Variants in KLF8 observed in about 807,000 individuals in gnomAD.
KLF8 encodes Krueppel-like factor 8.
Under a neutral mutation model 18.2 loss-of-function variants are expected in KLF8, and 10 were observed. That is an observed-to-expected ratio of 0.55 (90% CI 0.34 to 0.93). The LOEUF (loss-of-function observed/expected upper bound fraction) is 0.93. Ranked by LOEUF, KLF8 falls within the 40% of genes least tolerant of loss-of-function variation. The pLI is 0.02. For missense variants in KLF8, 264 were observed against 277.9 expected (o/e 0.95, Z 0.36); for synonymous variants, 109 against 97.3 (o/e 1.12, Z -0.71).
At position 56,286,911 on chromosome X, in the gene KLF8, G is replaced by T. The variant is rs1432137454; in HGVS notation, c.*2417G>T. 8.9e-6 allele frequency: 1 copy of T among 111,839 alleles called. No individual in the cohort carries two copies. Among genetic ancestry groups the T allele is most frequent in the Non-Finnish European group, 1.9e-5 (1 of 53,140 alleles). 9.2% of individuals were successfully genotyped at this position (111,839 alleles called of 1,213,427 possible). ...GGTTGGTAAAGATGAACTAACATAA[G>T]TTTAAGCTAATAATTCAGTAGTTGA... On this transcript the variant is annotated 3_prime_UTR_variant, in exon 6 of 6. Transcript: ENST00000468660.
chrX:56,033,366 G>A, the KLF8 span, among the ~76,000 whole-genome samples: 2 of 111,165 alleles, frequency 1.8e-5, no homozygotes, highest in Non-Finnish European at 3.8e-5. Context: ...TTCCTTTTCA[G>A]GGCTGTTACT....
chrX:56,055,166 A>G, the KLF8 span, among the ~76,000 whole-genome samples: 1 of 111,784 alleles, frequency 8.9e-6, no homozygotes, highest in Non-Finnish European at 1.9e-5. Context: ...GTTGCTTTAT[A>G]TTGTTACTGG....
At chrX:56,025,436 G>A in the KLF8 span, among the ~76,000 whole-genome samples, 2 of 111,566 alleles carry the variant, frequency 1.8e-5, no homozygotes, top group Non-Finnish European at 3.8e-5. Context: ...CCTTTTTGGA[G>A]CCAAACAAGA....
the KLF8 span, among the ~76,000 whole-genome samples, chrX:55,928,114 T>C: frequency 1.8e-5 from 2 of 112,201 alleles, no homozygotes; most frequent in African/African-American, 6.5e-5. Flanking sequence ...TGCGATCTTT[T>C]ATGACCTCGA....
At chrX:55,942,764 C>T in the KLF8 span, among the ~76,000 whole-genome samples, 35 of 111,549 alleles carry the variant, frequency 3.1e-4, no homozygotes, top group Non-Finnish European at 5.1e-4. Context: ...AGAGCATGTC[C>T]GACAGAGAAG....
chrX:55,968,576 C>A, the KLF8 span, among the ~76,000 whole-genome samples: 96 of 111,857 alleles, frequency 8.6e-4, 2 homozygotes, highest in East Asian at 0.024. Context: ...GGGAGGGACC[C>A]AGTGGGAAGT....
At chrX:56,201,168 T>A in the KLF8 span, among the ~76,000 whole-genome samples, 3 of 112,196 alleles carry the variant, frequency 2.7e-5, no homozygotes, top group African/African-American at 9.7e-5. Flanking sequence ...TCAATGTTCA[T>A]TGCAACATTA....
chrX:56,204,080 G>A, the KLF8 span, among the ~76,000 whole-genome samples: 2 of 111,157 alleles, frequency 1.8e-5, no homozygotes, highest in African/African-American at 3.3e-5. Flanking sequence ...CCAATTTTTA[G>A]TGTTCTCTTA....
the KLF8 span, among the ~76,000 whole-genome samples, chrX:56,104,666 C>A: frequency 9.0e-6 from 1 of 111,407 alleles, no homozygotes; most frequent in Non-Finnish European, 1.9e-5. Context: ...AAAAAACCAG[C>A]TCCTGGATTC....
At chrX:56,124,104 A>G in the KLF8 span, among the ~76,000 whole-genome samples, 1 of 111,740 alleles carries the variant, frequency 8.9e-6, no homozygotes, top group Non-Finnish European at 1.9e-5. Flanking sequence ...TTTGTGATTA[A>G]TGGTAACTCA....
chrX:56,042,282 T>C, the KLF8 span, among the ~76,000 whole-genome samples: 1 of 111,970 alleles, frequency 8.9e-6, no homozygotes, highest in African/African-American at 3.3e-5. Context: ...CGAGGAGTGT[T>C]TTCTTTCTGA....
the KLF8 span, among the ~76,000 whole-genome samples, chrX:56,182,595 G>A: frequency 3.6e-5 from 4 of 112,266 alleles, no homozygotes; most frequent in Non-Finnish European, 5.6e-5. Context: ...CCCCATCTTT[G>A]TGGTTTTATC....
At chrX:56,031,782 T>A in the KLF8 span, among the ~76,000 whole-genome samples, 1 of 111,294 alleles carries the variant, frequency 9.0e-6, no homozygotes, top group African/African-American at 3.3e-5. Flanking sequence ...GTGGCTTTAA[T>A]CAGCTGGAAG....
chrX:56,172,332 C>T, the KLF8 span, among the ~76,000 whole-genome samples: 1 of 110,827 alleles, frequency 9.0e-6, no homozygotes, highest in South Asian at 3.8e-4. Context: ...GTTCAATTCC[C>T]ACCTTTGAGT....
the KLF8 span, among the ~76,000 whole-genome samples, chrX:56,211,068 C>T: frequency 1.8e-4 from 20 of 111,210 alleles, no homozygotes; most frequent in Non-Finnish European, 3.6e-4. Context: ...GTTATGTTTT[C>T]CTATCTGGTG....
At chrX:56,095,776 G>T in the KLF8 span, among the ~76,000 whole-genome samples, 5 of 111,176 alleles carry the variant, frequency 4.5e-5, no homozygotes, top group Non-Finnish European at 5.7e-5. Context: ...AATCAGGATG[G>T]CTATCATTAA....
the KLF8 span, among the ~76,000 whole-genome samples, chrX:56,160,077 T>A: frequency 2.7e-5 from 3 of 111,815 alleles, no homozygotes; most frequent in African/African-American, 6.5e-5. Context: ...CCAGAGATTC[T>A]GGTATGTTGT....
chrX:56,116,996 C>G, the KLF8 span, among the ~76,000 whole-genome samples: 1 of 110,713 alleles, frequency 9.0e-6, no homozygotes, highest in East Asian at 2.8e-4. Context: ...GAACTCTTGG[C>G]CAGGCATGAT....
chrX:56,118,071 CA>C, the KLF8 span, among the ~76,000 whole-genome samples: 1 of 111,395 alleles, frequency 9.0e-6, no homozygotes, highest in Non-Finnish European at 1.9e-5. Flanking sequence ...AATCACCTCC[CA>C]AATTTTCTAC....
Sources: allele counts gnomAD v4.1 joint callset (sites outside exome capture counted in the v4.1 genomes callset), GRCh38; gene constraint gnomAD v4.1.1; transcripts MANE v1.5; gene names NCBI Gene and HGNC (gene_info 2026-07-23, HGNC 2026-07-21).